Variants in RGS6 observed in about 807,000 individuals in gnomAD.
RGS6 encodes the protein regulator of G protein signaling 6, also known as regulator of G-protein signaling 6.
Under a neutral mutation model 78.5 loss-of-function variants are expected in RGS6, and 30 were observed. The ratio of observed to expected loss-of-function variants is 0.38; its 90% confidence interval spans 0.29 to 0.52. The LOEUF (loss-of-function observed/expected upper bound fraction) is 0.52, where lower values mean the gene tolerates loss of function less well. RGS6 is among the 20% of genes least tolerant of loss of function. The pLI, the probability that RGS6 is intolerant of heterozygous loss-of-function variation, is 0.85. For synonymous variants in RGS6, 206 were observed against 206.0 expected, an observed-to-expected ratio of 1.00 and a Z score of 0.00; for missense variants, 495 against 609.7, an observed-to-expected ratio of 0.81 and a Z score of 1.98.
chr14:71,916,206 A>C, the RGS6 span, among the ~76,000 whole-genome samples: 69,288 of 151,998 alleles, frequency 0.46, 15,974 homozygotes, highest in Admixed American at 0.52. Context: ...GCTGCTTATG[A>C]CTTGGAAGGC....
intron 2 of RGS6, among the ~76,000 whole-genome samples, chr14:72,313,774 G>T (rs1291642823): frequency 6.6e-6 from 1 of 152,208 alleles, no homozygotes; most frequent in African/African-American, 2.4e-5. Flanking sequence ...GATGGAGAAG[G>T]TATTTTGAGG....
chr14:72,526,005 A>G (rs2097112175), intron 15 of RGS6, among the ~76,000 whole-genome samples: 2 of 152,224 alleles, frequency 1.3e-5, no homozygotes. Flanking sequence ...AGAAGACGTC[A>G]AAGAGTTCAA....
At chr14:72,173,845 C>T (rs2097062991) in intron 2 of RGS6, among the ~76,000 whole-genome samples, 1 of 152,082 alleles carries the variant, frequency 6.6e-6, no homozygotes, top group South Asian at 2.1e-4. Flanking sequence ...ATTTTGTACC[C>T]TCTTGATAAT....
chr14:72,427,869 T>C (rs1490410952), intron 3 of RGS6, among the ~76,000 whole-genome samples: 1 of 152,176 alleles, frequency 6.6e-6, no homozygotes, highest in Non-Finnish European at 1.5e-5. Flanking sequence ...TAGTGGAATA[T>C]ACAAGCCAAA....
intron 2 of RGS6, among the ~76,000 whole-genome samples, chr14:72,145,338 CAG>C (rs2153622570): frequency 6.6e-6 from 1 of 152,288 alleles, no homozygotes; most frequent in East Asian, 1.9e-4. Flanking sequence ...AATTTTGCTT[CAG>C]AGTCAAACCA....
intron 16 of RGS6, chr14:72,537,442 C>G: frequency 2.8e-6 from 2 of 702,050 alleles, no homozygotes; most frequent in Non-Finnish European, 5.2e-6. Flanking sequence ...GCCATGGAGT[C>G]TGAGAAAGGA....
chr14:72,540,162 T>TC (rs1167591671), intron 17 of RGS6, 68 bp downstream of exon 17: 1 of 1,530,522 alleles, frequency 6.5e-7, no homozygotes, highest in Non-Finnish European at 8.8e-7. Flanking sequence ...TTCTTCTTTT[T>TC]TTTTTTTTTC....
chr14:72,271,184 A>G (rs1315070281), intron 2 of RGS6, among the ~76,000 whole-genome samples: 1 of 152,206 alleles, frequency 6.6e-6, no homozygotes, highest in African/African-American at 2.4e-5. Context: ...CAATAAAGAC[A>G]TACCCAAGAC....
chr14:71,999,614 G>T (rs567743210), intron 2 of RGS6, among the ~76,000 whole-genome samples: 1 of 108,526 alleles, frequency 9.2e-6, no homozygotes, highest in African/African-American at 2.9e-5. Context: ...GATGGTGGGG[G>T]TGGATCCTTC....
At chr14:72,000,259 A>G (rs1595890427) in intron 2 of RGS6, among the ~76,000 whole-genome samples, 1 of 152,246 alleles carries the variant, frequency 6.6e-6, no homozygotes, top group Non-Finnish European at 1.5e-5. Flanking sequence ...GAAGAAGTGG[A>G]CATGAGTCTT....
intron 12 of RGS6, among the ~76,000 whole-genome samples, chr14:72,487,463 T>A (rs2096508939): frequency 6.6e-6 from 1 of 152,216 alleles, no homozygotes; most frequent in Admixed American, 6.5e-5. Context: ...AGGTTGCAGG[T>A]GGACTTAAGG....
chr14:71,968,871 A>G (rs1420280048), intron 2 of RGS6, among the ~76,000 whole-genome samples: 1 of 152,212 alleles, frequency 6.6e-6, no homozygotes, highest in African/African-American at 2.4e-5. Flanking sequence ...ACATGTGCAC[A>G]ACGTGCAGGT....
At chr14:72,009,941 A>G (rs2085335515) in intron 2 of RGS6, among the ~76,000 whole-genome samples, 2 of 152,236 alleles carry the variant, frequency 1.3e-5, no homozygotes, top group Non-Finnish European at 2.9e-5. Flanking sequence ...CTGGCTTGGT[A>G]TTATGAAGCA....
chr14:72,540,555 G>A (rs769893400), intron 17 of RGS6: 41 of 1,560,476 alleles, frequency 2.6e-5, no homozygotes, highest in Non-Finnish European at 3.3e-5. Flanking sequence ...TGTGGGTCGC[G>A]AGCTAATGTT....
At chr14:72,251,014 T>G (rs910878273) in intron 2 of RGS6, among the ~76,000 whole-genome samples, 1 of 152,202 alleles carries the variant, frequency 6.6e-6, no homozygotes. Flanking sequence ...AGCTGAAGCT[T>G]AAAAAGCACT....
At chr14:72,481,252 G>A (rs1259724622) in intron 12 of RGS6, among the ~76,000 whole-genome samples, 1 of 152,188 alleles carries the variant, frequency 6.6e-6, no homozygotes, top group Non-Finnish European at 1.5e-5. Context: ...CTGCACACTG[G>A]GAATGTGAAT....
intron 2 of RGS6, among the ~76,000 whole-genome samples, chr14:72,334,126 G>T (rs2075579637): frequency 6.6e-6 from 1 of 152,218 alleles, no homozygotes; most frequent in Non-Finnish European, 1.5e-5. Context: ...GCATATAATT[G>T]CTGTCCAGAA....
At chr14:72,489,557 C>G (rs2096548528) in intron 12 of RGS6, among the ~76,000 whole-genome samples, 1 of 152,178 alleles carries the variant, frequency 6.6e-6, no homozygotes, top group African/African-American at 2.4e-5. Flanking sequence ...TATCCAGAGA[C>G]TCCAAATCCA....
the RGS6 span, among the ~76,000 whole-genome samples, chr14:72,608,565 T>C: frequency 2.6e-5 from 4 of 152,104 alleles, no homozygotes; most frequent in Non-Finnish European, 5.9e-5. Flanking sequence ...CTGTGAGTCA[T>C]CTCTGATTCA....
Sources: allele counts gnomAD v4.1 joint callset (sites outside exome capture counted in the v4.1 genomes callset), GRCh38; gene constraint gnomAD v4.1.1; transcripts MANE v1.5; gene names NCBI Gene and HGNC (gene_info 2026-07-23, HGNC 2026-07-21).